RARB: variants seen among roughly 807,000 people sequenced by gnomAD.
RARB encodes retinoic acid receptor beta.
RARB carries 17 observed loss-of-function variants against 51.9 expected under a neutral mutation model. That is an observed-to-expected ratio of 0.33 (90% confidence interval 0.22 to 0.49). The LOEUF is 0.49. Among genes scored for constraint, RARB ranks in the 20% least tolerant of loss-of-function variants. The pLI is 0.99. For synonymous variants in RARB, 215 were observed against 195.4 expected (o/e 1.10, Z -0.84); for missense variants, 369 against 550.8 (o/e 0.67, Z 3.30).
intron 5 of RARB, among the ~76,000 whole-genome samples, chr3:25,201,827 G>C (rs1367728864): frequency 4.6e-5 from 7 of 152,134 alleles, no homozygotes; most frequent in Admixed American, 4.6e-4. Context: ...GCTGGATTTG[G>C]TTTGCCAGTA....
intron 3 of RARB, among the ~76,000 whole-genome samples, chr3:25,107,378 C>T (rs1438154645): frequency 2.0e-5 from 3 of 152,132 alleles, no homozygotes; most frequent in African/African-American, 7.2e-5. Context: ...TGAGAGGGGC[C>T]TTTCATTAAT....
intron 2 of RARB, among the ~76,000 whole-genome samples, chr3:24,946,994 T>C (rs1695789429): frequency 6.6e-6 from 1 of 152,182 alleles, no homozygotes; most frequent in Non-Finnish European, 1.5e-5. Context: ...GAATTTCTCA[T>C]AAAAGTGCAT....
intron 5 of RARB, among the ~76,000 whole-genome samples, chr3:25,316,363 A>G (rs1704424821): frequency 1.3e-5 from 2 of 152,222 alleles, no homozygotes; most frequent in Admixed American, 1.3e-4. Flanking sequence ...ACAAGATAAA[A>G]TAAATACATG....
chr3:25,379,845 C>G (rs528325289), intron 5 of RARB, among the ~76,000 whole-genome samples: 1 of 152,072 alleles, frequency 6.6e-6, no homozygotes, highest in East Asian at 1.9e-4. Context: ...TTAATGGTGC[C>G]TCTTTTTCAT....
chr3:25,290,732 G>A (rs1048301248), intron 5 of RARB, among the ~76,000 whole-genome samples: 2 of 152,016 alleles, frequency 1.3e-5, no homozygotes, highest in Non-Finnish European at 2.9e-5. Flanking sequence ...CTGGAGTCCT[G>A]GGCTGTCTTT....
At chr3:24,938,573 C>A (rs1575081070) in intron 2 of RARB, among the ~76,000 whole-genome samples, 1 of 152,138 alleles carries the variant, frequency 6.6e-6, no homozygotes, top group African/African-American at 2.4e-5. Context: ...GAAATATACA[C>A]AACATAAAAA....
At chr3:25,269,171 G>A (rs559926248) in intron 5 of RARB, among the ~76,000 whole-genome samples, 1 of 152,188 alleles carries the variant, frequency 6.6e-6, no homozygotes, top group African/African-American at 2.4e-5. Context: ...TCAACTTTGG[G>A]CTGTTAAATA....
intron 4 of RARB, among the ~76,000 whole-genome samples, chr3:25,159,296 A>G: frequency 6.7e-6 from 1 of 149,790 alleles, no homozygotes; most frequent in East Asian, 2.0e-4. Context: ...CAGCCTCGTG[A>G]GTAGCTGGGA....
chr3:25,058,101 G>T (rs1349027910), intron 2 of RARB, among the ~76,000 whole-genome samples: 1 of 151,888 alleles, frequency 6.6e-6, no homozygotes, highest in Non-Finnish European at 1.5e-5. Flanking sequence ...TCACCTAAAT[G>T]GCACTGAGTT....
intron 5 of RARB, among the ~76,000 whole-genome samples, chr3:25,272,853 T>G (rs943805074): frequency 1.3e-5 from 2 of 152,194 alleles, no homozygotes; most frequent in African/African-American, 4.8e-5. Context: ...TTTGGATACA[T>G]TCGTCCCACC....
chr3:25,037,922 G>A (rs1698031189), intron 2 of RARB, among the ~76,000 whole-genome samples: 1 of 152,120 alleles, frequency 6.6e-6, no homozygotes, highest in Non-Finnish European at 1.5e-5. Context: ...AACCAGAAGA[G>A]AGAAAAAGAG....
At chr3:25,338,535 T>A (rs1222679034) in intron 5 of RARB, among the ~76,000 whole-genome samples, 2 of 152,166 alleles carry the variant, frequency 1.3e-5, no homozygotes, top group Non-Finnish European at 2.9e-5. Context: ...CACTCTCTAG[T>A]TACTTTGACA....
chr3:25,139,699 A>G (rs1700080850), intron 4 of RARB, among the ~76,000 whole-genome samples: 1 of 152,196 alleles, frequency 6.6e-6, no homozygotes, highest in Non-Finnish European at 1.5e-5. Flanking sequence ...GGCTACACTA[A>G]GCAGATTTTC....
chr3:25,116,412 A>G (rs920696865), intron 3 of RARB, among the ~76,000 whole-genome samples: 19 of 132,844 alleles, frequency 1.4e-4, no homozygotes, highest in African/African-American at 4.9e-4. Context: ...ATCAAACAGA[A>G]ACATCTTATT....
intron 5 of RARB, among the ~76,000 whole-genome samples, chr3:25,310,428 G>A (rs765476658): frequency 3.9e-5 from 6 of 152,078 alleles, no homozygotes; most frequent in South Asian, 2.1e-4. Flanking sequence ...AAAAGTACTC[G>A]GAGTTATCAC....
In RARB at chr3:25,451,629, C is replaced by G. The variant is rs34851973; in HGVS notation, c.158-9564C>G. ...CTAAATTCTAGTGTAATCAATCATA[C>G]TTGAACTTCCTTAGATCTTAGACGA... On this transcript the variant is annotated intron_variant, in intron 1 of 7. Transcript: ENST00000330688. Among the ~76,000 whole-genome samples the G allele has an allele frequency of 4.1e-3, 631 of 152,314 alleles. 3 individuals carry two copies. The highest frequency in any genetic ancestry group is 9.3e-3 in the South Asian group (45 of 4,830).
At chr3:25,183,371 C>T (rs1289195854) in intron 5 of RARB, among the ~76,000 whole-genome samples, 1 of 152,050 alleles carries the variant, frequency 6.6e-6, no homozygotes, top group Admixed American at 6.6e-5. Flanking sequence ...GAATGAATTT[C>T]TTTCTCTTCC....
chr3:25,189,208 A>G (rs321531), intron 5 of RARB, among the ~76,000 whole-genome samples: 146,891 of 152,240 alleles, frequency 0.96, 70,882 homozygotes, highest in African/African-American at 0.98. Flanking sequence ...GTCAGTCAGC[A>G]AAAGCAGGTC....
intron 2 of RARB, among the ~76,000 whole-genome samples, chr3:25,469,853 T>C (rs1695603767): frequency 6.6e-6 from 1 of 152,174 alleles, no homozygotes. Context: ...CTAGGTGTGG[T>C]AAAAGGATTT....
Sources: allele counts gnomAD v4.1 joint callset (sites outside exome capture counted in the v4.1 genomes callset), GRCh38; gene constraint gnomAD v4.1.1; transcripts MANE v1.5; gene names NCBI Gene and HGNC (gene_info 2026-07-23, HGNC 2026-07-21).